Variants in SH3PXD2A observed in about 807,000 individuals in gnomAD.
SH3PXD2A encodes SH3 and PX domains 2A.
In SH3PXD2A, 32 loss-of-function variants were observed where a neutral mutation model predicts 115.2. The ratio of observed to expected loss-of-function variants is 0.28; its 90% CI spans 0.21 to 0.37. The LOEUF is 0.37. Among genes scored for constraint, SH3PXD2A ranks in the 10% least tolerant of loss-of-function variants. SH3PXD2A has a pLI of 1.00. For missense variants in SH3PXD2A, 1,328 were observed against 1,498.7 expected, an observed-to-expected ratio of 0.89 and a Z score of 1.88; for synonymous variants, 610 against 629.1, an observed-to-expected ratio of 0.97 and a Z score of 0.45.
chr10:103,819,837 G>T (rs574242395), intron 1 of SH3PXD2A, among the ~76,000 whole-genome samples: 2 of 151,990 alleles, frequency 1.3e-5, no homozygotes, highest in Non-Finnish European at 2.9e-5. Context: ...CCTAGAGGAG[G>T]GGGGGAGATG....
intron 3 of SH3PXD2A, among the ~76,000 whole-genome samples, chr10:103,741,718 C>T (rs150357315): frequency 1.1e-3 from 174 of 152,330 alleles, no homozygotes; most frequent in African/African-American, 3.4e-3. Flanking sequence ...ACAGACTGCA[C>T]GGTGCAAAGG....
chr10:103,721,878 C>A (rs2038186509), intron 5 of SH3PXD2A, among the ~76,000 whole-genome samples: 1 of 152,074 alleles, frequency 6.6e-6, no homozygotes, highest in South Asian at 2.1e-4. Context: ...GGACCACAGT[C>A]CCCAAACCAG....
At chr10:103,701,112 CA>C (rs2037892014) in intron 5 of SH3PXD2A, among the ~76,000 whole-genome samples, 1 of 72,506 alleles carries the variant, frequency 1.4e-5, no homozygotes, top group African/African-American at 5.9e-5. Flanking sequence ...ATCTACCATC[CA>C]GCCATCCATC....
rs985888231 is a variant in SH3PXD2A, at chr10:103,620,845, T to A, written c.802+1625A>T. ...ACTGTATGTCTGTGACTGGCATATA[T>A]GTGGTGCAAGGCGTTGTGTGTATGA... On this transcript the variant is annotated intron_variant, in intron 10 of 14. Transcript: ENST00000369774. This position sits in a 1 kb window ranked among gnomAD's most constrained non-coding sequence, Gnocchi z 5.3. Among the ~76,000 whole-genome samples the A allele has an allele frequency of 6.6e-6, 1 of 152,198 alleles. No homozygotes were observed. The highest frequency in any genetic ancestry group is 1.5e-5 in the Non-Finnish European group (1 of 68,048).
intron 1 of SH3PXD2A, among the ~76,000 whole-genome samples, chr10:103,826,513 A>G (rs2039431585): frequency 1.3e-5 from 2 of 152,272 alleles, no homozygotes; most frequent in Non-Finnish European, 2.9e-5. Context: ...CAGACTCCCC[A>G]GCTCCTGCAG....
rs2036235328 is a variant in SH3PXD2A at position 103,602,608 on chromosome 10, C to T, written c.2610G>A (p.Leu870=). Residue 870 remains leucine (L), a synonymous_variant, in exon 15 of 15, where the codon CTG becomes CTA. Transcript: ENST00000369774. ...ACCACCACCCGCTCTCCTGCTTCTC[C>T]AGCACCTGCACCTCCACGCCCGCGG... The part of the protein sequence containing the change: ...SFPAGVEVQV[L]EKQESGWWYV... 1.2e-6 allele frequency: 2 copies of T among 1,614,194 alleles called. No individual in the cohort carries two copies. Among genetic ancestry groups the T allele is most frequent in the Non-Finnish European group, 1.7e-6 (2 of 1,180,048 alleles).
At chr10:103,799,347 G>A (rs781445976) in intron 2 of SH3PXD2A, among the ~76,000 whole-genome samples, 7 of 152,368 alleles carry the variant, frequency 4.6e-5, no homozygotes, top group Admixed American at 2.0e-4. Context: ...AAATGGGTTC[G>A]TAAAGATGCT....
At chr10:103,803,152 C>T (rs574455593) in intron 1 of SH3PXD2A, among the ~76,000 whole-genome samples, 9 of 152,190 alleles carry the variant, frequency 5.9e-5, no homozygotes, top group Non-Finnish European at 1.0e-4. Flanking sequence ...CATGCCATGG[C>T]GAGTTTTTTC....
chr10:103,776,556 C>T (rs906484220), intron 2 of SH3PXD2A, among the ~76,000 whole-genome samples: 2 of 151,658 alleles, frequency 1.3e-5, no homozygotes, highest in Non-Finnish European at 2.9e-5. Context: ...TCTCACAGTC[C>T]TGGAGGCTAG....
chr10:103,854,048 C>T (rs1842918844), intron 1 of SH3PXD2A, among the ~76,000 whole-genome samples: 4 of 152,212 alleles, frequency 2.6e-5, no homozygotes, highest in African/African-American at 7.2e-5. Context: ...ATGAGCCCAG[C>T]CGCATTTGCT....
intron 1 of SH3PXD2A, among the ~76,000 whole-genome samples, chr10:103,820,748 C>G (rs116710241): frequency 0.016 from 2,445 of 152,284 alleles, 67 homozygotes; most frequent in African/African-American, 0.053. Context: ...GGGTTGGGCG[C>G]CCCTCCCAGC....
chr10:103,626,954 A>C, intron 9 of SH3PXD2A, 135 bp downstream of exon 9: 1 of 609,216 alleles, frequency 1.6e-6, no homozygotes. Flanking sequence ...AACCTTACTG[A>C]GATGGGATCC....
intron 8 of SH3PXD2A, among the ~76,000 whole-genome samples, chr10:103,641,111 G>C (rs2036949205): frequency 6.6e-6 from 1 of 152,232 alleles, no homozygotes; most frequent in Middle Eastern, 3.2e-3. Context: ...GGTCTGAACA[G>C]ATGGTAATGA....
chr10:103,633,348 G>A (rs545155783), intron 8 of SH3PXD2A, among the ~76,000 whole-genome samples: 4 of 151,248 alleles, frequency 2.6e-5, no homozygotes, highest in African/African-American at 2.4e-5. Flanking sequence ...CCCGGGAGCC[G>A]GAGGTTGCAG....
chr10:103,808,927 G>A (rs145974973), intron 1 of SH3PXD2A, among the ~76,000 whole-genome samples: 3 of 152,318 alleles, frequency 2.0e-5, no homozygotes, highest in Non-Finnish European at 2.9e-5. Flanking sequence ...ATGCCAAAGA[G>A]GTGGCTAGTA....
chr10:103,831,609 C>A (rs1249339868), intron 1 of SH3PXD2A, among the ~76,000 whole-genome samples: 4 of 152,118 alleles, frequency 2.6e-5, no homozygotes, highest in Non-Finnish European at 4.4e-5. Flanking sequence ...TGCTTGAGCC[C>A]AGGAATTCAA....
At chr10:103,826,457 CAT>C (rs2039431233) in intron 1 of SH3PXD2A, among the ~76,000 whole-genome samples, 1 of 152,216 alleles carries the variant, frequency 6.6e-6, no homozygotes, top group Non-Finnish European at 1.5e-5. Context: ...CACCTGTTTA[CAT>C]ATTCTCTCCA....
intron 8 of SH3PXD2A, among the ~76,000 whole-genome samples, chr10:103,647,419 G>C (rs918520381): frequency 1.4e-4 from 21 of 152,284 alleles, no homozygotes; most frequent in Admixed American, 9.2e-4. Flanking sequence ...GGAGAGACCA[G>C]GGTGTGGAGG....
rs753997646 is a variant in SH3PXD2A at position 103,693,099 on chromosome 10, C to A, written c.399-43G>T. On this transcript the variant is annotated intron_variant, in intron 5 of 14. Transcript: ENST00000369774. ...ACAGATAGACATGGTTAGGGCCGGG[C>A]GCGAGCGCGGGGCTGCAGCTGCAGG... 19 of 1,599,342 alleles carry A rather than the reference C, an allele frequency of 1.2e-5. No homozygotes were observed. In the African/African-American group the frequency reaches 1.6e-4, roughly 14 times the overall value.
Sources: gnomAD v4.1 joint callset for allele counts (sites outside exome capture counted in the v4.1 genomes callset) on GRCh38, gnomAD v4.1.1 for gene constraint, Gnocchi (gnomAD v3.1) non-coding constraint, MANE v1.5 for transcripts, NCBI Gene and HGNC (gene_info 2026-07-23, HGNC 2026-07-21) for gene names.